The following MARK3 variants were observed in gnomAD, a reference collection of about 807,000 sequenced individuals.
The protein encoded by MARK3 is microtubule affinity regulating kinase 3.
Under a neutral mutation model 90.1 loss-of-function variants are expected in MARK3, and 46 were observed. That is an observed-to-expected ratio of 0.51 (90% CI 0.40 to 0.65). The LOEUF (loss-of-function observed/expected upper bound fraction) is 0.65, where lower values mean the gene tolerates loss of function less well. Among genes scored for constraint, MARK3 ranks in the 30% least tolerant of loss-of-function variants. The pLI is 0.00. For synonymous variants in MARK3, 321 were observed against 332.6 expected, an observed-to-expected ratio of 0.97 and a Z score of 0.38; for missense variants, 818 against 947.2, an observed-to-expected ratio of 0.86 and a Z score of 1.79.
intron 7 of MARK3, among the ~76,000 whole-genome samples, chr14:103,463,922 T>C (rs1194533572): frequency 6.6e-6 from 1 of 152,186 alleles, no homozygotes; most frequent in East Asian, 1.9e-4. Flanking sequence ...TCACATACTG[T>C]CTTTCAATTT....
chr14:103,428,609 A>G (rs1056821138), intron 3 of MARK3, among the ~76,000 whole-genome samples, 169 bp downstream of exon 3: 2 of 152,180 alleles, frequency 1.3e-5, no homozygotes, highest in Non-Finnish European at 2.9e-5. Context: ...TTGTTGGGTT[A>G]TCTTTGGTCG....
chr14:103,412,898 G>A, intron 2 of MARK3: 2 of 325,596 alleles, frequency 6.1e-6, no homozygotes, highest in South Asian at 2.6e-5. Flanking sequence ...TTTTGAGACG[G>A]AATTTCGCTC....
intron 2 of MARK3, among the ~76,000 whole-genome samples, chr14:103,414,445 TC>T: frequency 6.6e-6 from 1 of 152,284 alleles, no homozygotes; most frequent in Non-Finnish European, 1.5e-5. Flanking sequence ...CCTCAGATGA[TC>T]CGCCCGCCTT....
At chr14:103,463,368 A>G (rs187458729) in intron 7 of MARK3, among the ~76,000 whole-genome samples, 3 of 152,218 alleles carry the variant, frequency 2.0e-5, no homozygotes, top group Non-Finnish European at 4.4e-5. Flanking sequence ...GCAGTGGCCA[A>G]CTGTATGCTG....
chr14:103,443,384 C>T (rs771740628), intron 3 of MARK3, among the ~76,000 whole-genome samples: 9 of 152,074 alleles, frequency 5.9e-5, no homozygotes, highest in African/African-American at 1.4e-4. Flanking sequence ...GAAACAGGAA[C>T]GAAAACTACA....
chr14:103,456,289 C>T (rs1017049554), intron 5 of MARK3, among the ~76,000 whole-genome samples: 10 of 152,172 alleles, frequency 6.6e-5, no homozygotes, highest in African/African-American at 9.7e-5. Context: ...GCCTCTTCCC[C>T]GCTAGCAGCC....
At chr14:103,445,636 A>G (rs948664681) in intron 3 of MARK3, among the ~76,000 whole-genome samples, 6 of 152,132 alleles carry the variant, frequency 3.9e-5, no homozygotes, top group African/African-American at 1.4e-4. Context: ...GAGTTCTCGC[A>G]TTTTAATATG....
intron 14 of MARK3, chr14:103,490,790 C>A: frequency 4.6e-6 from 1 of 219,736 alleles, no homozygotes; most frequent in Non-Finnish European, 8.2e-6. Flanking sequence ...TATAGGTTAG[C>A]AGTTGCTCCA....
intron 3 of MARK3, among the ~76,000 whole-genome samples, chr14:103,442,439 A>G (rs1481430978): frequency 6.6e-6 from 1 of 152,098 alleles, no homozygotes; most frequent in Admixed American, 6.6e-5. Context: ...TTCAGGATAC[A>G]TAACAGCTGT....
intron 1 of MARK3, among the ~76,000 whole-genome samples, chr14:103,395,862 G>A (rs879835565): frequency 2.0e-5 from 3 of 152,136 alleles, no homozygotes; most frequent in Non-Finnish European, 4.4e-5. Flanking sequence ...GTTTGTTTAA[G>A]GCTGATTGGA....
At chr14:103,403,109 T>C (rs982992857) in intron 1 of MARK3, among the ~76,000 whole-genome samples, 2 of 148,322 alleles carry the variant, frequency 1.3e-5, no homozygotes, top group Admixed American at 1.4e-4. Context: ...ATTAGTATGA[T>C]CAGCTTTCAC....
intron 1 of MARK3, among the ~76,000 whole-genome samples, chr14:103,404,780 T>TA (rs1328189459): frequency 2.6e-5 from 4 of 152,168 alleles, no homozygotes; most frequent in Non-Finnish European, 5.9e-5. Context: ...ATGGAAAAGT[T>TA]AAGCACTGTA....
intron 2 of MARK3, chr14:103,412,694 C>CGCT (rs2091722684): frequency 1.5e-6 from 1 of 683,216 alleles, no homozygotes; most frequent in Admixed American, 2.1e-5. Flanking sequence ...GGGGCACTTT[C>CGCT]ACTGGTTCCC....
At chr14:103,426,848 T>A (rs868087200) in intron 2 of MARK3, among the ~76,000 whole-genome samples, 76 of 151,798 alleles carry the variant, frequency 5.0e-4, no homozygotes, top group African/African-American at 1.8e-3. Context: ...GGTTTGGACC[T>A]AATTCCCTTT....
chr14:103,395,485 C>A (rs1488030256), intron 1 of MARK3, among the ~76,000 whole-genome samples: 2 of 152,044 alleles, frequency 1.3e-5, no homozygotes, highest in African/African-American at 4.8e-5. Context: ...GTCAGGCTGG[C>A]CTTGTGTTCT....
At position 103,385,801 on chromosome 14, in the gene MARK3, C is replaced by G. The variant is rs968304081; in HGVS notation, c.-229C>G. On this transcript the variant is annotated 5_prime_UTR_variant, in exon 1 of 18. Coordinates refer to ENST00000429436, the MANE Select transcript of MARK3 (RefSeq NM_001128918.3). Reference sequence around the variant, plus strand: ...CTCGGCTCCGCCACTGCCGCCCTCCCGGTCTCCTCGCCTCGGCCGCCGAGG... The same window carrying G: ...CTCGGCTCCGCCACTGCCGCCCTCCGGGTCTCCTCGCCTCGGCCGCCGAGG... 1 of 423,864 alleles carries G rather than the reference C, an allele frequency of 2.4e-6. No individual in the cohort carries two copies. Among genetic ancestry groups the G allele is most frequent in the Non-Finnish European group, 4.1e-6 (1 of 241,164 alleles). The allele number at this position is 423,864 out of a possible 1,614,324, so 26.3% of individuals were successfully genotyped here.
rs1180431100 is a variant in MARK3, at chr14:103,418,713, A to G, written c.244-9674A>G. On this transcript the variant is annotated intron_variant, in intron 2 of 17. Transcript: ENST00000429436. ...AGTCACGAGTTTGTTGGTGAAGACT[A>G]TGTTAACAACTTTACAGAAAGTTTG... Among the ~76,000 whole-genome samples, 5 of 152,308 alleles carry G rather than the reference A, an allele frequency of 3.3e-5. No individual in the cohort carries two copies. The East Asian group carries it at 5.8e-4, about 18-fold the overall frequency.
intron 12 of MARK3, among the ~76,000 whole-genome samples, chr14:103,469,538 T>C (rs1450689148): frequency 6.6e-6 from 1 of 151,888 alleles, no homozygotes; most frequent in Non-Finnish European, 1.5e-5. Context: ...CAGGCTGGAG[T>C]GCAATGGCAT....
In MARK3 at chr14:103,405,081, G is replaced by A. The variant is rs763209745; in HGVS notation, c.57G>A (p.Thr19=). The change falls in exon 2 of 18, where the codon ACG becomes ACA. Residue 19 remains threonine (T), a synonymous_variant. Coordinates refer to ENST00000429436, the MANE Select transcript of MARK3 (RefSeq NM_001128918.3). ...TTGTGTATGCTGTATTGCAGCACAC[G>A]TCACATGGAGATGGGCGTCAAGAAG... ...TVNERDTENH[T]SHGDGRQEVT... is the part of the protein sequence containing the mutation. The A allele has an allele frequency of 1.9e-6, 3 of 1,613,650 alleles. No individual in the cohort carries two copies. Among genetic ancestry groups the A allele is most frequent in the Middle Eastern group, 1.7e-4 (1 of 6,060 alleles).
Sources: gnomAD v4.1 joint callset for allele counts (sites outside exome capture counted in the v4.1 genomes callset) on GRCh38, gnomAD v4.1.1 for gene constraint, MANE v1.5 for transcripts, NCBI Gene and HGNC (gene_info 2026-07-23, HGNC 2026-07-21) for gene names.